The following CEP162 variants were observed in gnomAD, a reference collection of about 807,000 sequenced individuals.
CEP162 encodes the protein centrosomal protein 162.
Under a neutral mutation model 169.2 loss-of-function variants are expected in CEP162, and 141 were observed. The observed-to-expected ratio is 0.83, with a 90% CI of 0.73 to 0.96. The LOEUF (loss-of-function observed/expected upper bound fraction) is 0.96. CEP162 is among the 40% of genes least tolerant of loss of function. The pLI is 0.00. For synonymous variants in CEP162, 540 were observed against 526.4 expected (o/e 1.03, Z -0.35); for missense variants, 1,600 against 1,587.2 (o/e 1.01, Z -0.14).
chr6:84,133,585 T>C (rs1588696629), intron 25 of CEP162, among the ~76,000 whole-genome samples: 1 of 152,134 alleles, frequency 6.6e-6, no homozygotes, highest in African/African-American at 2.4e-5. Context: ...TCCCCCAGCC[T>C]TGCTGCTGCC....
intron 16 of CEP162, among the ~76,000 whole-genome samples, chr6:84,172,224 A>T (rs770608116): frequency 2.0e-5 from 3 of 152,320 alleles, no homozygotes; most frequent in Non-Finnish European, 4.4e-5. Context: ...GACTGTAAAC[A>T]GGGAGTTAAA....
intron 6 of CEP162, among the ~76,000 whole-genome samples, chr6:84,209,913 A>ACT (rs1373694122): frequency 1.3e-5 from 2 of 152,246 alleles, no homozygotes; most frequent in Non-Finnish European, 2.9e-5. Flanking sequence ...TGTCATTAGT[A>ACT]GACACAGAGA....
At chr6:84,174,674 CTTTT>C in intron 15 of CEP162, 49 bp downstream of exon 15, 2 of 688,940 alleles carry the variant, frequency 2.9e-6, no homozygotes, top group East Asian at 3.3e-5. Context: ...GGGAATTCAG[CTTTT>C]TTTTTTTTTA....
intron 9 of CEP162, 100 bp from the exon 10 acceptor site, chr6:84,195,175 T>C (rs1435044220): frequency 1.8e-5 from 18 of 980,462 alleles, no homozygotes; most frequent in Non-Finnish European, 2.4e-5. Context: ...AATATAAAAG[T>C]AGAGTTAAGT....
intron 13 of CEP162, among the ~76,000 whole-genome samples, chr6:84,184,576 G>A (rs1763677482): frequency 6.6e-6 from 1 of 152,018 alleles, no homozygotes; most frequent in South Asian, 2.1e-4. Flanking sequence ...TTGTTGACTT[G>A]CAGGATTCCA....
chr6:84,146,123 C>T (rs147316402), intron 25 of CEP162, among the ~76,000 whole-genome samples: 92 of 152,150 alleles, frequency 6.0e-4, no homozygotes, highest in African/African-American at 2.2e-3. Flanking sequence ...CTATGTTTTC[C>T]TCTTCCTTTG....
chr6:84,215,469 A>C lies in CEP162; in HGVS notation c.320-4T>G. 6.4e-7 allele frequency: 1 copy of C among 1,555,262 alleles called. No individual in the cohort carries two copies. Among genetic ancestry groups the C allele is most frequent in the Non-Finnish European group, 8.7e-7 (1 of 1,153,712 alleles). ...TTGAGCTCAGAAACTACTAGTTCTAAATGGAAAGCACAAATATATTTTAGT... is the reference window on the plus strand; with the variant it reads ...TTGAGCTCAGAAACTACTAGTTCTACATGGAAAGCACAAATATATTTTAGT... On this transcript the variant is annotated splice_polypyrimidine_tract_variant and splice_region_variant and intron_variant, in intron 4 of 26. Transcript: ENST00000403245.
intron 9 of CEP162, among the ~76,000 whole-genome samples, chr6:84,198,437 C>T (rs1435601181): frequency 6.6e-6 from 1 of 152,116 alleles, no homozygotes; most frequent in Non-Finnish European, 1.5e-5. Context: ...GCCACCACAC[C>T]TGGCTAATTT....
chr6:84,138,351 G>A (rs2099515040), intron 25 of CEP162, among the ~76,000 whole-genome samples: 1 of 152,210 alleles, frequency 6.6e-6, no homozygotes, highest in African/African-American at 2.4e-5. Context: ...ATTGCCTGGA[G>A]GCAGTTTTGA....
chr6:84,215,221 T>C (rs190450399), intron 5 of CEP162, 61 bp downstream of exon 5: 3 of 904,524 alleles, frequency 3.3e-6, no homozygotes, highest in East Asian at 2.9e-5. Flanking sequence ...ATCACACATA[T>C]ATCAGCCTTC....
At chr6:84,210,828 G>A (rs137941905) in intron 6 of CEP162, among the ~76,000 whole-genome samples, 2 of 152,204 alleles carry the variant, frequency 1.3e-5, no homozygotes, top group East Asian at 3.9e-4. Flanking sequence ...TAGGGGCATT[G>A]GGATGTGCCT....
At chr6:84,176,941 G>T (rs2099532663) in intron 13 of CEP162, among the ~76,000 whole-genome samples, 1 of 151,274 alleles carries the variant, frequency 6.6e-6, no homozygotes, top group Non-Finnish European at 1.5e-5. Flanking sequence ...AGGCTGGAGT[G>T]TATTTTTTAA....
chr6:84,197,925 C>T (rs1375280049), intron 9 of CEP162, among the ~76,000 whole-genome samples: 8 of 151,640 alleles, frequency 5.3e-5, no homozygotes, highest in African/African-American at 1.5e-4. Context: ...CATCCTGTGA[C>T]GACTCCAGTA....
At chr6:84,182,575 A>G (rs932136478) in intron 13 of CEP162, among the ~76,000 whole-genome samples, 1 of 152,146 alleles carries the variant, frequency 6.6e-6, no homozygotes, top group African/African-American at 2.4e-5. Context: ...ACTTACGGCC[A>G]CAAGATCAAA....
At chr6:84,168,427 A>G (rs900544001) in intron 18 of CEP162, among the ~76,000 whole-genome samples, 3 of 152,172 alleles carry the variant, frequency 2.0e-5, no homozygotes, top group Admixed American at 6.6e-5. Flanking sequence ...ATTTCTTTGT[A>G]ACCTAACTCT....
intron 6 of CEP162, among the ~76,000 whole-genome samples, 154 bp from the exon 7 acceptor site, chr6:84,204,250 T>C (rs1040470037): frequency 6.6e-6 from 1 of 152,202 alleles, no homozygotes; most frequent in African/African-American, 2.4e-5. Context: ...TACAGAACTC[T>C]CCAGCCCAAA....
intron 6 of CEP162, among the ~76,000 whole-genome samples, 183 bp downstream of exon 6, chr6:84,212,774 C>A (rs2099550016): frequency 1.3e-5 from 2 of 151,946 alleles, no homozygotes; most frequent in African/African-American, 4.8e-5. Flanking sequence ...TGAAAAAAAC[C>A]TTTTTAAGGC....
chr6:84,187,626 A>T (rs2099537771), intron 11 of CEP162, among the ~76,000 whole-genome samples: 1 of 152,182 alleles, frequency 6.6e-6, no homozygotes, highest in Non-Finnish European at 1.5e-5. Context: ...TGATGCTAAG[A>T]ACCCAACTTA....
intron 13 of CEP162, 127 bp from the exon 14 acceptor site, chr6:84,175,474 A>G (rs1166924313): frequency 4.8e-6 from 3 of 623,170 alleles, no homozygotes; most frequent in Non-Finnish European, 8.1e-6. Context: ...AGGCTGATGG[A>G]CTACACTATA....
Sources: allele counts gnomAD v4.1 joint callset (sites outside exome capture counted in the v4.1 genomes callset), GRCh38; gene constraint gnomAD v4.1.1; transcripts MANE v1.5; gene names NCBI Gene and HGNC (gene_info 2026-07-23, HGNC 2026-07-21).